Variants in ARAP3 observed in about 807,000 individuals in gnomAD.
The protein encoded by ARAP3 is ArfGAP with RhoGAP domain, ankyrin repeat and PH domain 3.
In ARAP3, 82 loss-of-function variants were observed where a neutral mutation model predicts 169.2. The observed-to-expected ratio is 0.48, with a 90% CI of 0.41 to 0.58. The LOEUF is 0.58. Ranked by LOEUF, ARAP3 falls within the 20% of genes least tolerant of loss-of-function variation. The pLI is 0.00. For synonymous variants in ARAP3, 791 were observed against 800.3 expected (o/e 0.99, Z 0.20); for missense variants, 1,764 against 2,018.0 (o/e 0.87, Z 2.41).
intron 16 of ARAP3, among the ~76,000 whole-genome samples, chr5:141,668,199 G>C (rs1297057087): frequency 6.6e-6 from 1 of 151,578 alleles, no homozygotes; most frequent in African/African-American, 2.4e-5. Flanking sequence ...TCAAACCTCC[G>C]AGGCTCAAGC....
At chr5:141,668,314 A>G (rs2099910951) in intron 16 of ARAP3, among the ~76,000 whole-genome samples, 2 of 152,086 alleles carry the variant, frequency 1.3e-5, no homozygotes, top group African/African-American at 4.8e-5. Flanking sequence ...GTTGCTCTCA[A>G]ACTCCTGGGC....
At chr5:141,668,904 C>T (rs2099911052) in intron 16 of ARAP3, among the ~76,000 whole-genome samples, 3 of 152,142 alleles carry the variant, frequency 2.0e-5, no homozygotes, top group South Asian at 2.1e-4. Context: ...GCAGGCTGCA[C>T]ACGACTTTCT....
At chr5:141,681,794 C>T (rs2099913021) in intron 1 of ARAP3, among the ~76,000 whole-genome samples, 1 of 152,210 alleles carries the variant, frequency 6.6e-6, no homozygotes, top group Admixed American at 6.5e-5. Context: ...CCCAGCATCA[C>T]TGCTGGCCTC....
In ARAP3 at chr5:141,655,481, G is replaced by C. The variant is rs1035650779; in HGVS notation, c.4111-81C>G. On this transcript the variant is annotated intron_variant, in intron 31 of 32. Transcript: ENST00000239440. ...GACTAGCAACAGGAGACAGGGGTGG[G>C]GAATGGGGGTGAAGAAGGCAGAAGG... 22 of 1,578,094 alleles carry C rather than the reference G, an allele frequency of 1.4e-5. No individual in the cohort carries two copies. The Admixed American group carries it at 3.6e-4, about 26-fold the overall frequency.
chr5:141,659,652 GT>G lies in ARAP3; in HGVS notation c.3267+126del, dbSNP rs1413677200. 2.8e-6 allele frequency: 4 copies of G among 1,412,674 alleles called. No individual in the cohort carries two copies. The Admixed American group carries it at 8.3e-5, about 29-fold the overall frequency. The allele number at this position is 1,412,674 out of a possible 1,614,324, so 87.5% of individuals were successfully genotyped here. A position where few individuals can be genotyped will look rare whatever the true frequency, so the allele number is the denominator to read the frequency against. ...AGAAGGGCCAGGGCTCTGGGAGGTA[GT>G]TCCTGGTATAGCTGGCCACCAGAGG... On this transcript the variant is annotated intron_variant, in intron 22 of 32. Transcript: ENST00000239440.
At chr5:141,681,006 G>A (rs2099912888) in intron 1 of ARAP3, among the ~76,000 whole-genome samples, 1 of 152,150 alleles carries the variant, frequency 6.6e-6, no homozygotes, top group Admixed American at 6.5e-5. Context: ...TGTTTCCAGA[G>A]CCGATGTATG....
At chr5:141,673,946 CTTTTCTTTTCTTCT>C (rs1337737712) in intron 4 of ARAP3, 138 bp from the exon 5 acceptor site, 6 of 551,974 alleles carry the variant, frequency 1.1e-5, no homozygotes, top group South Asian at 9.3e-5. Flanking sequence ...TTTTCTTTTT[CTTTTCTTTTCTTCT>C]TTTTTTTTTT....
chr5:141,664,546 G>A (rs991131544), intron 19 of ARAP3, among the ~76,000 whole-genome samples: 3 of 152,098 alleles, frequency 2.0e-5, no homozygotes, highest in Admixed American at 6.6e-5. Context: ...GCAGCTGCTC[G>A]CTGTTTGCCA....
chr5:141,664,316 G>A (rs1310347624), intron 19 of ARAP3, among the ~76,000 whole-genome samples: 3 of 152,042 alleles, frequency 2.0e-5, no homozygotes, highest in Non-Finnish European at 4.4e-5. Context: ...CCCGAGAAGC[G>A]GAGGTTGCAG....
chr5:141,658,394 G>A lies in ARAP3; in HGVS notation c.3497C>T (p.Thr1166Ile), dbSNP rs1188669185. The stretch of plus-strand genomic sequence containing the variant: ...CTCCCCATGCTCGCGAATCTCAAAA[G>A]TCACCCACAAGTCCATCCCAGCTGC... ...GTAAGMDLWV[T>I]FEIREHGELE... The change falls in exon 25 of 33, where the codon ACT (threonine) becomes ATT (isoleucine). Residue 1166 changes from threonine to isoleucine, a missense_variant. Thr to Ile is a moderately conservative substitution (Grantham distance 89, BLOSUM62 -1). Transcript: ENST00000239440. The A allele has an allele frequency of 6.2e-6, 10 of 1,613,684 alleles. No individual in the cohort carries two copies. The East Asian group carries it at 2.0e-4, about 32-fold the overall frequency.
At chr5:141,655,256 A>ACACACG (rs1378420520) in intron 32 of ARAP3, 106 bp downstream of exon 32, 11 of 1,148,990 alleles carry the variant, frequency 9.6e-6, no homozygotes, top group Non-Finnish European at 1.4e-5. Context: ...ACACACACAC[A>ACACACG]CACCCCCTGA....
rs370152380 is a variant in ARAP3 at position 141,656,005 on chromosome 5, A to G, written c.3908+59T>C. 88 of 1,613,884 alleles carry G rather than the reference A, an allele frequency of 5.5e-5. No homozygotes were observed. In the African/African-American group the frequency reaches 1.1e-3, roughly 20 times the overall value. On this transcript the variant is annotated intron_variant, in intron 29 of 32. Transcript: ENST00000239440. Reference sequence around the variant, plus strand: ...TAGGAATGGAGCATACAAAGAGGGAAGAGAAAAGACAGGGTGCAGAGGTGG... The same window carrying G: ...TAGGAATGGAGCATACAAAGAGGGAGGAGAAAAGACAGGGTGCAGAGGTGG...
Position 141,671,326 on chromosome 5 carries a change from T to C in ARAP3, c.1929A>G (p.Glu643=). ...MTQLLCVEAF[E]GEEPWFPPAP... is the part of the protein sequence containing the mutation. The stretch of plus-strand genomic sequence containing the variant: ...CTGGGGGGAACCAGGGCTCCTCGCC[T>C]TCAAAGGCCTCAACACAGAGGAGCT... Residue 643 remains glutamate (E), a synonymous_variant, in exon 13 of 33, where the codon GAA becomes GAG. Coordinates refer to ENST00000239440, the MANE Select transcript of ARAP3 (RefSeq NM_022481.6). The surrounding 1 kb of genome is among the most constrained non-coding windows in gnomAD (Gnocchi z 4.9). 1 of 1,613,736 alleles carries C rather than the reference T, an allele frequency of 6.2e-7. No individual in the cohort carries two copies. The highest frequency in any genetic ancestry group is 8.5e-7 in the Non-Finnish European group (1 of 1,179,856).
At chr5:141,682,098 G>C (rs2099913099) in intron 1 of ARAP3, 75 bp downstream of exon 1, 1 of 152,566 alleles carries the variant, frequency 6.6e-6, no homozygotes, top group Non-Finnish European at 1.5e-5. Context: ...GGGCCTGGGA[G>C]CCCACGAAGG....
At position 141,680,509 on chromosome 5, in the gene ARAP3, G is replaced by A. The variant is rs757441675; in HGVS notation, c.-17-6C>T. The A allele has an allele frequency of 1.9e-6, 3 of 1,565,230 alleles. No homozygotes were observed. The highest frequency in any genetic ancestry group is 1.3e-5 in the African/African-American group (1 of 74,384). On this transcript the variant is annotated splice_region_variant and splice_polypyrimidine_tract_variant and intron_variant, in intron 1 of 32. Coordinates refer to ENST00000239440, the MANE Select transcript of ARAP3 (RefSeq NM_022481.6). Reference sequence around the variant, plus strand: ...CATGGGGGCTCAGGCCATTGCTGGGGGGAGGGGCAGGGTGAAGGGAGGGCT... The same window carrying A: ...CATGGGGGCTCAGGCCATTGCTGGGAGGAGGGGCAGGGTGAAGGGAGGGCT...
At chr5:141,655,509 G>C in intron 31 of ARAP3, 109 bp from the exon 32 acceptor site, 1 of 1,584,968 alleles carries the variant, frequency 6.3e-7, no homozygotes, top group South Asian at 1.1e-5. Flanking sequence ...GCAGAAGGGA[G>C]GGGGACAGTG....
chr5:141,673,251 C>T (rs752216890), intron 6 of ARAP3, 118 bp from the exon 7 acceptor site: 39 of 1,572,154 alleles, frequency 2.5e-5, no homozygotes, highest in Non-Finnish European at 2.9e-5. Context: ...GTGGGTACAG[C>T]TGCTAAGCCA....
At chr5:141,660,032 G>A (rs1168371201) in intron 21 of ARAP3, 106 bp from the exon 22 acceptor site, 31 of 1,402,624 alleles carry the variant, frequency 2.2e-5, no homozygotes, top group Non-Finnish European at 2.9e-5. Flanking sequence ...ACAGCAGTAA[G>A]ATAATATTGG....
At chr5:141,670,364 G>T in intron 14 of ARAP3, 148 bp downstream of exon 14, 1 of 897,866 alleles carries the variant, frequency 1.1e-6, no homozygotes, top group East Asian at 2.4e-5. Flanking sequence ...ACTTGGCATG[G>T]TCCCTCTCTC....
Sources: gnomAD v4.1 joint callset for allele counts (sites outside exome capture counted in the v4.1 genomes callset) on GRCh38, gnomAD v4.1.1 for gene constraint, Gnocchi (gnomAD v3.1) non-coding constraint, MANE v1.5 for transcripts, NCBI Gene and HGNC (gene_info 2026-07-23, HGNC 2026-07-21) for gene names.